The following CCNH variants were observed in gnomAD, a reference collection of about 807,000 sequenced individuals.
CCNH encodes cyclin-H.
A neutral mutation model predicts 41.9 loss-of-function variants in CCNH; 31 were observed. The observed-to-expected ratio is 0.74, with a 90% CI of 0.56 to 1.00. CCNH has a LOEUF of 1.00. Among genes scored for constraint, CCNH ranks in the 50% least tolerant of loss-of-function variants. The pLI, the probability that CCNH is intolerant of heterozygous loss-of-function variation, is 0.00. For missense variants in CCNH, 362 were observed against 388.4 expected (o/e 0.93, Z 0.57); for synonymous variants, 138 against 136.1 (o/e 1.01, Z -0.10).
chr5:87,322,811 A>G (rs762856197), intron 9 of CCNH, among the ~76,000 whole-genome samples: 8 of 152,248 alleles, frequency 5.3e-5, no homozygotes, highest in Non-Finnish European at 2.9e-5. Context: ...ACACAACCAC[A>G]TACATAAATA....
chr5:87,385,434 T>C (rs1039334967), intron 9 of CCNH: 1 of 1,387,148 alleles, frequency 7.2e-7, no homozygotes, highest in African/African-American at 1.4e-5. Flanking sequence ...TGAATGCAAG[T>C]TTGACATGAT....
intron 9 of CCNH, among the ~76,000 whole-genome samples, chr5:87,345,344 T>C (rs2112410938): frequency 6.6e-6 from 1 of 152,312 alleles, no homozygotes; most frequent in Middle Eastern, 3.4e-3. Flanking sequence ...CCTATCACTT[T>C]TTTACCCTTC....
chr5:87,386,699 G>A, downstream of CCNH: 1 of 759,736 alleles, frequency 1.3e-6, no homozygotes, highest in Non-Finnish European at 2.3e-6. Flanking sequence ...TATGGGTTTT[G>A]CTATATTAAT....
chr5:87,366,770 G>A (rs577392292), intron 9 of CCNH, among the ~76,000 whole-genome samples: 3 of 152,170 alleles, frequency 2.0e-5, no homozygotes, highest in South Asian at 2.1e-4. Context: ...AGTGGCTCAC[G>A]CCTGTAATCC....
chr5:87,312,777 C>T, the CCNH span, among the ~76,000 whole-genome samples: 1 of 152,136 alleles, frequency 6.6e-6, no homozygotes, highest in Admixed American at 6.5e-5. Context: ...TACACAGGCT[C>T]CTCAGAGTAC....
chr5:87,317,228 G>T (rs988914207), downstream of CCNH, among the ~76,000 whole-genome samples: 1 of 152,058 alleles, frequency 6.6e-6, no homozygotes, highest in African/African-American at 2.4e-5. Flanking sequence ...TTATTACATG[G>T]TGCTCTTATT....
intron 4 of CCNH, among the ~76,000 whole-genome samples, chr5:87,405,316 T>C (rs962293525): frequency 6.6e-6 from 1 of 152,202 alleles, no homozygotes; most frequent in Admixed American, 6.5e-5. Context: ...AGGCCACATG[T>C]AGGAATACAC....
At chr5:87,372,082 G>A (rs1204042144), downstream of CCNH, 3 of 1,570,878 alleles carry the variant, frequency 1.9e-6, no homozygotes, top group Non-Finnish European at 2.6e-6. Context: ...AAATAAACTA[G>A]TGTATATTTC....
At chr5:87,370,432 AAAT>A (rs1366380324) in intron 9 of CCNH, among the ~76,000 whole-genome samples, 1 of 152,202 alleles carries the variant, frequency 6.6e-6, no homozygotes, top group Non-Finnish European at 1.5e-5. Context: ...TTGTGTGAAG[AAAT>A]AATATTTTTT....
chr5:87,393,910 T>TA (rs1181860776), downstream of CCNH: 2 of 152,226 alleles, frequency 1.3e-5, no homozygotes, highest in African/African-American at 4.8e-5. Context: ...TGGTTTTTTT[T>TA]AAAAACCCAT....
rs1334879201 is a variant in CCNH at position 87,401,735 on chromosome 5, T to A, written c.727A>T (p.Thr243Ser). 3.8e-6 allele frequency: 6 copies of A among 1,592,118 alleles called. No homozygotes were observed. Among genetic ancestry groups the A allele is most frequent in the Non-Finnish European group, 5.1e-6 (6 of 1,172,038 alleles). ...SESLMLKENR[T>S]CLSQLLDIMK... ...ATATCTAGTAACTGTGACAGGCAAG[T>A]TCTGTTCTCTTTCAGCATCAGACTC... is the stretch of plus-strand genomic sequence containing the variant. Residue 243 changes from threonine (T) to serine (S), a missense_variant, in exon 6 of 9, where the codon ACT (threonine) becomes TCT (serine). Physicochemically the swap from Thr to Ser is moderately conservative, Grantham distance 58. Coordinates refer to ENST00000256897, the MANE Select transcript of CCNH (RefSeq NM_001239.4).
chr5:87,407,441 C>T (rs1171692110), intron 4 of CCNH, among the ~76,000 whole-genome samples: 1 of 152,192 alleles, frequency 6.6e-6, no homozygotes, highest in Non-Finnish European at 1.5e-5. Context: ...GACTATCCAA[C>T]TTCTCTTTTA....
intron 9 of CCNH, among the ~76,000 whole-genome samples, chr5:87,351,485 G>T (rs2923744): frequency 1.3e-5 from 2 of 151,662 alleles, no homozygotes; most frequent in South Asian, 4.1e-4. Flanking sequence ...ATCTAGACTT[G>T]AAGAAGAAGA....
downstream of CCNH, among the ~76,000 whole-genome samples, chr5:87,317,157 A>G (rs2112322517): frequency 6.6e-6 from 1 of 152,316 alleles, no homozygotes; most frequent in East Asian, 1.9e-4. Context: ...TGCTGGGATT[A>G]CAGGTGTGAG....
intron 9 of CCNH, among the ~76,000 whole-genome samples, chr5:87,362,143 C>T (rs1224525081): frequency 6.6e-6 from 1 of 152,220 alleles, no homozygotes; most frequent in East Asian, 1.9e-4. Context: ...GCATTTCTCA[C>T]AGACACAATT....
chr5:87,395,199 A>G lies in CCNH; in HGVS notation c.873-95T>C, dbSNP rs979177029. On this transcript the variant is annotated intron_variant, in intron 7 of 8. Transcript: ENST00000256897. Reference sequence around the variant, plus strand: ...AGCAAGGCTATAGGCAATATCATGTATCTACTGAACAACAAGGCCAGGATA... The same window carrying G: ...AGCAAGGCTATAGGCAATATCATGTGTCTACTGAACAACAAGGCCAGGATA... The G allele has an allele frequency of 3.0e-6, 3 of 1,000,610 alleles. No homozygotes were observed. In the African/African-American group the frequency reaches 4.9e-5, roughly 16 times the overall value. 62.0% of individuals were successfully genotyped at this position (1,000,610 alleles called of 1,614,324 possible).
downstream of CCNH, chr5:87,375,042 T>A: frequency 7.9e-7 from 1 of 1,262,794 alleles, no homozygotes; most frequent in Non-Finnish European, 1.1e-6. Flanking sequence ...TTGAGATAGT[T>A]TCTTTCTGTA....
At chr5:87,340,403 G>A (rs1452518076) in intron 9 of CCNH, among the ~76,000 whole-genome samples, 2 of 151,830 alleles carry the variant, frequency 1.3e-5, no homozygotes, top group African/African-American at 2.4e-5. Context: ...CAATGATAAT[G>A]CTATTCATTT....
In CCNH at chr5:87,363,501, G is replaced by A. The variant is rs770457251; in HGVS notation, c.*90+29269C>T. On this transcript the variant is annotated intron_variant and NMD_transcript_variant, in intron 9 of 9. Coordinates refer to the CCNH transcript ENST00000645953. ...TATGTCGTTCATGATAGTCTCTTTG[G>A]CAGGTAAGAGACTGGTTTCCTATTT... 6.2e-7 allele frequency: 1 copy of A among 1,610,466 alleles called. No individual in the cohort carries two copies. The highest frequency in any genetic ancestry group is 8.5e-7 in the Non-Finnish European group (1 of 1,177,196).
Sources: allele counts gnomAD v4.1 joint callset (sites outside exome capture counted in the v4.1 genomes callset), GRCh38; gene constraint gnomAD v4.1.1; transcripts MANE v1.5; gene names NCBI Gene and HGNC (gene_info 2026-07-23, HGNC 2026-07-21).